The following FRMD4A variants were observed in gnomAD, a reference collection of about 807,000 sequenced individuals.
FRMD4A encodes FERM domain-containing protein 4A.
In FRMD4A, 29 loss-of-function variants were observed where a neutral mutation model predicts 129.1. The ratio of observed to expected loss-of-function variants is 0.22; its 90% CI spans 0.17 to 0.31. The LOEUF is 0.31. FRMD4A is among the 10% of genes least tolerant of loss of function. The pLI is 1.00. For missense variants in FRMD4A, 1,272 were observed against 1,375.8 expected, an observed-to-expected ratio of 0.92 and a Z score of 1.19; for synonymous variants, 634 against 571.6, an observed-to-expected ratio of 1.11 and a Z score of -1.56.
intron 2 of FRMD4A, among the ~76,000 whole-genome samples, chr10:13,957,276 A>G (rs1469300960): frequency 6.6e-6 from 1 of 152,142 alleles, no homozygotes. Flanking sequence ...TTTGTGAGAC[A>G]GAGTTTCGCT....
rs147486174 is a variant in FRMD4A at position 14,040,082 on chromosome 10, C to T, written c.46-181170G>A. Among the ~76,000 whole-genome samples, 409 of 152,234 alleles carry T rather than the reference C, an allele frequency of 2.7e-3. 3 individuals carry two copies. The highest frequency in any genetic ancestry group is 9.3e-3 in the African/African-American group (386 of 41,542). On this transcript the variant is annotated intron_variant, in intron 2 of 24. Coordinates refer to ENST00000357447, the MANE Select transcript of FRMD4A (RefSeq NM_018027.5). ...CCCATATGGTGCTTAATTATTTTTA[C>T]CATCCTTGTTTTACAGATGGAGAAA...
intron 12 of FRMD4A, among the ~76,000 whole-genome samples, chr10:13,730,393 A>G (rs1175271345): frequency 6.6e-6 from 1 of 152,192 alleles, no homozygotes; most frequent in African/African-American, 2.4e-5. Context: ...TTGTACCAGC[A>G]CAACTGCCCG....
intron 12 of FRMD4A, among the ~76,000 whole-genome samples, chr10:13,709,352 C>T (rs943779458): frequency 6.6e-6 from 1 of 152,184 alleles, no homozygotes; most frequent in Non-Finnish European, 1.5e-5. Flanking sequence ...AATAACCCCT[C>T]TAAGGTAGAT....
intron 2 of FRMD4A, among the ~76,000 whole-genome samples, chr10:14,106,872 T>G (rs1837615027): frequency 6.6e-6 from 1 of 151,996 alleles, no homozygotes; most frequent in Middle Eastern, 3.4e-3. Flanking sequence ...ATACCCAAAA[T>G]CATTCTAGCA....
chr10:14,061,565 G>A (rs1300457175), intron 2 of FRMD4A, among the ~76,000 whole-genome samples: 1 of 152,150 alleles, frequency 6.6e-6, no homozygotes, highest in African/African-American at 2.4e-5. Flanking sequence ...TCTTTCCAGA[G>A]ACTAGTTTGT....
intron 2 of FRMD4A, among the ~76,000 whole-genome samples, chr10:13,897,821 C>T (rs1437226319): frequency 6.6e-6 from 1 of 151,594 alleles, no homozygotes; most frequent in Non-Finnish European, 1.5e-5. Flanking sequence ...GCCTGTGATC[C>T]CAGCTACTCA....
In FRMD4A at chr10:13,646,913, T is replaced by A. The variant is rs1345359244; in HGVS notation, c.*125A>T. 1 of 780,332 alleles carries A rather than the reference T, an allele frequency of 1.3e-6. No individual in the cohort carries two copies. The highest frequency in any genetic ancestry group is 1.9e-5 in the African/African-American group (1 of 53,182). 48.3% of individuals were successfully genotyped at this position (780,332 alleles called of 1,614,324 possible). ...TGATCTCAGAATGGCGTTGAGGCGG[T>A]CAGATTAGGCCGGGCTGGCTCACAC... On this transcript the variant is annotated 3_prime_UTR_variant, in exon 25 of 25. Coordinates refer to ENST00000357447, the MANE Select transcript of FRMD4A (RefSeq NM_018027.5).
chr10:14,300,572 C>T (rs1432619056), intron 2 of FRMD4A, among the ~76,000 whole-genome samples: 1 of 152,192 alleles, frequency 6.6e-6, no homozygotes, highest in African/African-American at 2.4e-5. Flanking sequence ...TCTGTAGTGG[C>T]AACCAAGGCA....
intron 6 of FRMD4A, among the ~76,000 whole-genome samples, chr10:13,774,518 G>T (rs540298702): frequency 6.6e-6 from 1 of 152,204 alleles, no homozygotes; most frequent in Non-Finnish European, 1.5e-5. Flanking sequence ...GTTCCCTCCC[G>T]ATCCCTGGAT....
At chr10:13,786,891 A>C (rs2092879193) in intron 5 of FRMD4A, among the ~76,000 whole-genome samples, 1 of 152,184 alleles carries the variant, frequency 6.6e-6, no homozygotes, top group South Asian at 2.1e-4. Context: ...AAAGAATCTC[A>C]TTTGCTTTAG....
intron 3 of FRMD4A, among the ~76,000 whole-genome samples, chr10:13,819,737 G>A (rs2093601290): frequency 6.8e-6 from 1 of 147,682 alleles, no homozygotes; most frequent in Admixed American, 6.8e-5. Context: ...GGTCTGGAGT[G>A]CGGGCTGGAG....
intron 2 of FRMD4A, among the ~76,000 whole-genome samples, chr10:14,320,973 G>A (rs750244363): frequency 1.3e-5 from 2 of 152,202 alleles, no homozygotes; most frequent in Non-Finnish European, 2.9e-5. Context: ...CTCCTCTAAA[G>A]CTGTCTTCCA....
At chr10:13,939,182 A>G (rs1316715087) in intron 2 of FRMD4A, among the ~76,000 whole-genome samples, 1 of 152,240 alleles carries the variant, frequency 6.6e-6, no homozygotes, top group Non-Finnish European at 1.5e-5. Flanking sequence ...GGTTCACATT[A>G]TTCTAAATTG....
intron 2 of FRMD4A, among the ~76,000 whole-genome samples, chr10:14,056,516 T>C (rs537658371): frequency 1.3e-5 from 2 of 151,340 alleles, no homozygotes; most frequent in East Asian, 3.9e-4. Flanking sequence ...TTTCTAACTA[T>C]ATTTTTTTGT....
chr10:14,112,341 T>TGATG, intron 2 of FRMD4A, among the ~76,000 whole-genome samples: 1 of 152,224 alleles, frequency 6.6e-6, no homozygotes, highest in Admixed American at 6.5e-5. Context: ...CAGGTGTGCC[T>TGATG]GATGGAGGAG....
In FRMD4A at chr10:13,996,751, T is replaced by C. The variant is rs1016813450; in HGVS notation, c.46-137839A>G. On this transcript the variant is annotated intron_variant, in intron 2 of 24. Transcript: ENST00000357447. Reference sequence around the variant, plus strand: ...TTGGCAGATAATAGCAGGATTTTCTTCTACAAGAACTCCACGAGATCTTAG... The same window carrying C: ...TTGGCAGATAATAGCAGGATTTTCTCCTACAAGAACTCCACGAGATCTTAG... 2.0e-5 allele frequency among the ~76,000 whole-genome samples: 3 copies of C among 152,214 alleles called. No homozygotes were observed. In the South Asian group the frequency reaches 6.2e-4, roughly 31 times the overall value.
chr10:14,233,050 T>C (rs1424871355), intron 2 of FRMD4A, among the ~76,000 whole-genome samples: 1 of 152,214 alleles, frequency 6.6e-6, no homozygotes, highest in Non-Finnish European at 1.5e-5. Context: ...TAGTTGCATG[T>C]CTCTCTGGCA....
At chr10:14,053,992 G>A (rs1313074470) in intron 2 of FRMD4A, among the ~76,000 whole-genome samples, 3 of 152,112 alleles carry the variant, frequency 2.0e-5, no homozygotes, top group Non-Finnish European at 2.9e-5. Context: ...CGGCAATAGA[G>A]TGAGACCCTG....
At chr10:13,870,710 C>G (rs1322575166) in intron 2 of FRMD4A, 1 of 152,416 alleles carries the variant, frequency 6.6e-6, no homozygotes, top group Non-Finnish European at 1.5e-5. Context: ...CCTGCTAGGA[C>G]ACCTAACATC....
Sources: allele counts gnomAD v4.1 joint callset (sites outside exome capture counted in the v4.1 genomes callset), GRCh38; gene constraint gnomAD v4.1.1; transcripts MANE v1.5; gene names NCBI Gene and HGNC (gene_info 2026-07-23, HGNC 2026-07-21).